The following TPTE variants were observed in gnomAD, a reference collection of about 807,000 sequenced individuals.
TPTE encodes transmembrane phosphatase with tensin homology, also known as putative tyrosine-protein phosphatase TPTE.
A neutral mutation model predicts 84.1 loss-of-function variants in TPTE; 59 were observed. The ratio of observed to expected loss-of-function variants is 0.70; its 90% CI spans 0.57 to 0.87. TPTE has a LOEUF of 0.87. Among genes scored for constraint, TPTE ranks in the 40% least tolerant of loss-of-function variants. TPTE has a pLI of 0.00. For missense variants in TPTE, 382 were observed against 659.6 expected (o/e 0.58, Z 4.61); for synonymous variants, 130 against 223.5 (o/e 0.58, Z 3.73).
chr21:10,571,637 A>C (rs1196276445), intron 14 of TPTE, among the ~76,000 whole-genome samples: 1 of 152,310 alleles, frequency 6.6e-6, no homozygotes, highest in African/African-American at 2.4e-5. Context: ...TCTTATGAGA[A>C]ATTCAACAAG....
chr21:10,541,097 A>G lies in TPTE; in HGVS notation c.12-15A>G, dbSNP rs773245457. The G allele has an allele frequency of 3.1e-6, 5 of 1,612,814 alleles. No individual in the cohort carries two copies. Among genetic ancestry groups the G allele is most frequent in the South Asian group, 1.1e-5 (1 of 91,078 alleles). On this transcript the variant is annotated splice_polypyrimidine_tract_variant and intron_variant, in intron 4 of 23. Coordinates refer to ENST00000618007, the MANE Select transcript of TPTE (RefSeq NM_199261.4). ...TTACGCATTGGGTCTGACTCTGACC[A>G]TATTTGTCCTTTAGTCCTGATCCGA... is the stretch of plus-strand genomic sequence containing the variant.
chr21:10,523,355 T>C (rs1471418382), intron 1 of TPTE, among the ~76,000 whole-genome samples: 2 of 152,292 alleles, frequency 1.3e-5, no homozygotes, highest in Non-Finnish European at 2.9e-5. Flanking sequence ...AATGTGCAGG[T>C]TAGTTACATA....
At chr21:10,583,995 G>A (rs2075316171) in intron 17 of TPTE, among the ~76,000 whole-genome samples, 1 of 152,304 alleles carries the variant, frequency 6.6e-6, no homozygotes, top group African/African-American at 2.4e-5. Context: ...TATAAATTTG[G>A]GAATCAACTA....
chr21:10,551,366 C>T (rs1373206732), intron 7 of TPTE, among the ~76,000 whole-genome samples: 2 of 152,310 alleles, frequency 1.3e-5, no homozygotes, highest in African/African-American at 2.4e-5. Flanking sequence ...AGCACACCAA[C>T]ATGGCACATG....
At chr21:10,580,068 C>T (rs1182554959) in intron 17 of TPTE, among the ~76,000 whole-genome samples, 2 of 152,300 alleles carry the variant, frequency 1.3e-5, no homozygotes, top group African/African-American at 4.8e-5. Flanking sequence ...GTGAGGATAT[C>T]TCTTTGTGGT....
chr21:10,563,682 C>T (rs1336550332), intron 10 of TPTE, among the ~76,000 whole-genome samples: 1 of 152,306 alleles, frequency 6.6e-6, no homozygotes, highest in Admixed American at 6.5e-5. Flanking sequence ...TAAATCATAT[C>T]ACCAGAGAAA....
intron 9 of TPTE, among the ~76,000 whole-genome samples, chr21:10,559,872 T>TA (rs61583687): frequency 0.049 from 5,707 of 115,312 alleles, 6 homozygotes; most frequent in African/African-American, 0.068. Flanking sequence ...AGACTCCATG[T>TA]AAAAAAAAAA....
At chr21:10,595,662 A>G (rs1350947799) in intron 19 of TPTE, among the ~76,000 whole-genome samples, 3 of 152,312 alleles carry the variant, frequency 2.0e-5, no homozygotes, top group Non-Finnish European at 4.4e-5. Flanking sequence ...AGTCACAACT[A>G]AGCTTCTATC....
At chr21:10,556,504 C>T (rs1419050263) in intron 8 of TPTE, among the ~76,000 whole-genome samples, 8 of 152,418 alleles carry the variant, frequency 5.2e-5, no homozygotes, top group Middle Eastern at 3.4e-3. Context: ...AATAAACATA[C>T]GTGTGCATGT....
chr21:10,522,586 AATAG>A (rs1208691401), intron 1 of TPTE, among the ~76,000 whole-genome samples: 2 of 152,312 alleles, frequency 1.3e-5, no homozygotes, highest in African/African-American at 4.8e-5. Flanking sequence ...GCATTTCTCT[AATAG>A]ATAGTGATGA....
rs1304178073 is a variant in TPTE at position 10,562,603 on chromosome 21, G to A, written c.446+1412G>A. ...AAAAGAATCAAGCAGAAATTCTGGAGCCAAAAAATGTAATTGGCATGCCGA... is the reference window on the plus strand; with the variant it reads ...AAAAGAATCAAGCAGAAATTCTGGAACCAAAAAATGTAATTGGCATGCCGA... On this transcript the variant is annotated intron_variant, in intron 10 of 23. Coordinates refer to ENST00000618007, the MANE Select transcript of TPTE (RefSeq NM_199261.4). Among the ~76,000 whole-genome samples, 4 of 152,426 alleles carry A rather than the reference G, an allele frequency of 2.6e-5. No homozygotes were observed. In the East Asian group the frequency reaches 7.7e-4, roughly 29 times the overall value.
intron 10 of TPTE, among the ~76,000 whole-genome samples, chr21:10,564,220 C>T (rs1280894347): frequency 6.6e-6 from 1 of 152,298 alleles, no homozygotes; most frequent in Non-Finnish European, 1.5e-5. Flanking sequence ...CCCATAAAGA[C>T]ACATGTAGGC....
chr21:10,523,644 T>C (rs937744717), intron 1 of TPTE, among the ~76,000 whole-genome samples: 4 of 152,300 alleles, frequency 2.6e-5, no homozygotes, highest in African/African-American at 9.6e-5. Context: ...TTTTTATGGC[T>C]GCATAGTATT....
At chr21:10,568,516 G>C (rs1336569319) in intron 11 of TPTE, among the ~76,000 whole-genome samples, 1 of 152,310 alleles carries the variant, frequency 6.6e-6, no homozygotes, top group African/African-American at 2.4e-5. Flanking sequence ...ATGTATACTG[G>C]GATGTAGATG....
intron 21 of TPTE, among the ~76,000 whole-genome samples, chr21:10,600,976 C>A (rs1179081196): frequency 3.3e-5 from 5 of 152,308 alleles, no homozygotes; most frequent in Non-Finnish European, 5.9e-5. Context: ...GCTGGCCCAA[C>A]CCCCAAGTGT....
At chr21:10,523,945 C>T (rs1219406385) in intron 1 of TPTE, among the ~76,000 whole-genome samples, 1 of 152,310 alleles carries the variant, frequency 6.6e-6, no homozygotes, top group Non-Finnish European at 1.5e-5. Context: ...TTCTCCACAT[C>T]CTCTCCAGCA....
At chr21:10,542,534 T>C in intron 6 of TPTE, 86 bp downstream of exon 6, 1 of 1,057,734 alleles carries the variant, frequency 9.5e-7, no homozygotes, top group Non-Finnish European at 1.3e-6. Context: ...GTATACCCCA[T>C]CCATCCATCC....
chr21:10,576,838 CATATATATATATATATATAT>C (rs56285862), intron 14 of TPTE, among the ~76,000 whole-genome samples: 14,293 of 136,592 alleles, frequency 0.1, 24 homozygotes, highest in African/African-American at 0.26. Context: ...TACATATATA[CATATATATATATATATATAT>C]ATATATATAT....
Position 10,550,035 on chromosome 21 carries a change from C to T in TPTE, c.174-2622C>T, listed in dbSNP as rs191010265. ...ATTCGAAGTTCTGAAAGAAAAAAATCTTTCAGCCAAGAATATTATAGCCAG... is the reference window on the plus strand; with the variant it reads ...ATTCGAAGTTCTGAAAGAAAAAAATTTTTCAGCCAAGAATATTATAGCCAG... On this transcript the variant is annotated intron_variant, in intron 7 of 23. Coordinates refer to ENST00000618007, the MANE Select transcript of TPTE (RefSeq NM_199261.4). Among the ~76,000 whole-genome samples, 86 of 152,368 alleles carry T rather than the reference C, an allele frequency of 5.6e-4. No homozygotes were observed. The East Asian group carries it at 0.015, about 27-fold the overall frequency.
Sources: allele counts gnomAD v4.1 joint callset (sites outside exome capture counted in the v4.1 genomes callset), GRCh38; gene constraint gnomAD v4.1.1; transcripts MANE v1.5; gene names NCBI Gene and HGNC (gene_info 2026-07-23, HGNC 2026-07-21).